GALNTL6: variants seen among roughly 807,000 people sequenced by gnomAD.
GALNTL6 encodes the protein polypeptide N-acetylgalactosaminyltransferase like 6, also known as polypeptide N-acetylgalactosaminyltransferase-like 6.
GALNTL6 carries 46 observed loss-of-function variants against 73.7 expected under a neutral mutation model. The observed-to-expected ratio is 0.62, with a 90% confidence interval of 0.49 to 0.80. The LOEUF is 0.80. GALNTL6 is among the 30% of genes least tolerant of loss of function. GALNTL6 has a pLI of 0.00. For missense variants in GALNTL6, 604 were observed against 755.0 expected (o/e 0.80, Z 2.34); for synonymous variants, 259 against 263.7 (o/e 0.98, Z 0.17).
chr4:172,002,386 T>C (rs2110761550), intron 2 of GALNTL6, among the ~76,000 whole-genome samples: 1 of 152,248 alleles, frequency 6.6e-6, no homozygotes, highest in Admixed American at 6.5e-5. Flanking sequence ...CAGCTGTCTA[T>C]ATGCCAGGAA....
intron 5 of GALNTL6, among the ~76,000 whole-genome samples, chr4:172,625,059 T>G (rs1168551409): frequency 1.3e-5 from 2 of 152,118 alleles, no homozygotes; most frequent in East Asian, 3.9e-4. Context: ...CTCTCAGTTC[T>G]TCTCTGTGAG....
chr4:172,177,828 C>CACACACATATATGTGTGTGTATATAT (rs1560955687), intron 2 of GALNTL6, among the ~76,000 whole-genome samples: 1 of 131,646 alleles, frequency 7.6e-6, no homozygotes, highest in Non-Finnish European at 1.6e-5. Context: ...TGTATATATA[C>CACACACATATATGTGTGTGTATATAT]ACACACATAT....
intron 5 of GALNTL6, among the ~76,000 whole-genome samples, chr4:172,392,306 TA>T (rs1743690892): frequency 3.9e-5 from 6 of 152,152 alleles, no homozygotes; most frequent in Non-Finnish European, 1.5e-5. Context: ...TTATTTTAAT[TA>T]AAAATTGTTC....
At chr4:172,836,709 G>C (rs914838701) in intron 7 of GALNTL6, among the ~76,000 whole-genome samples, 36 of 152,348 alleles carry the variant, frequency 2.4e-4, no homozygotes, top group African/African-American at 8.4e-4. Flanking sequence ...GTTGGCATTT[G>C]AAAACCTTCA....
At chr4:172,255,783 ATATTT>A (rs1379782059) in intron 3 of GALNTL6, among the ~76,000 whole-genome samples, 1 of 151,320 alleles carries the variant, frequency 6.6e-6, no homozygotes, top group Non-Finnish European at 1.5e-5. Flanking sequence ...TCTAATAACT[ATATTT>A]TATTTTCATA....
intron 8 of GALNTL6, among the ~76,000 whole-genome samples, chr4:172,884,381 A>T (rs1745610815): frequency 6.6e-6 from 1 of 152,162 alleles, no homozygotes; most frequent in South Asian, 2.1e-4. Context: ...AAGATGTTCA[A>T]CATTTTTCAT....
chr4:172,628,353 A>G (rs1739252015), intron 5 of GALNTL6, among the ~76,000 whole-genome samples: 1 of 152,194 alleles, frequency 6.6e-6, no homozygotes, highest in African/African-American at 2.4e-5. Flanking sequence ...ATGTAAATAA[A>G]TCAGTCACAA....
At chr4:172,607,995 C>CA (rs1560833201) in intron 5 of GALNTL6, among the ~76,000 whole-genome samples, 1 of 151,734 alleles carries the variant, frequency 6.6e-6, no homozygotes, top group Non-Finnish European at 1.5e-5. Context: ...TTAATTTTTT[C>CA]AAAAAATCAA....
chr4:172,319,328 T>G (rs1482222440), intron 4 of GALNTL6, among the ~76,000 whole-genome samples: 2 of 152,176 alleles, frequency 1.3e-5, no homozygotes. Context: ...ATTAAAAAAT[T>G]AAAGTAGATA....
intron 4 of GALNTL6, among the ~76,000 whole-genome samples, chr4:172,317,492 T>C (rs570795551): frequency 6.6e-6 from 1 of 152,358 alleles, no homozygotes; most frequent in South Asian, 2.1e-4. Context: ...ATTTTCCAGT[T>C]ATATCATGGA....
intron 3 of GALNTL6, among the ~76,000 whole-genome samples, chr4:172,261,822 A>AT (rs1353118083): frequency 6.6e-6 from 1 of 151,292 alleles, no homozygotes; most frequent in African/African-American, 2.4e-5. Context: ...AGTTCAAATA[A>AT]TTTTTAAATT....
intron 5 of GALNTL6, among the ~76,000 whole-genome samples, chr4:172,670,179 T>C (rs2111202197): frequency 6.6e-6 from 1 of 152,262 alleles, no homozygotes; most frequent in East Asian, 1.9e-4. Context: ...AGTAATGGGA[T>C]TGCTGGGTCA....
chr4:172,056,686 A>C (rs1367742987), intron 2 of GALNTL6, among the ~76,000 whole-genome samples: 1 of 151,936 alleles, frequency 6.6e-6, no homozygotes, highest in Non-Finnish European at 1.5e-5. Flanking sequence ...ATTTTTAATA[A>C]TATAGTTATT....
At chr4:172,945,250 G>A (rs529651790) in intron 9 of GALNTL6, among the ~76,000 whole-genome samples, 1 of 152,240 alleles carries the variant, frequency 6.6e-6, no homozygotes, top group East Asian at 1.9e-4. Flanking sequence ...TACATCAGTG[G>A]TTGTCTGGGG....
At chr4:172,264,251 T>C (rs1738357863) in intron 3 of GALNTL6, among the ~76,000 whole-genome samples, 1 of 151,310 alleles carries the variant, frequency 6.6e-6, no homozygotes, top group Admixed American at 6.6e-5. Flanking sequence ...GTTCACTCTA[T>C]ATGGGTCTTA....
At chr4:172,236,295 G>A (rs1158096785) in intron 3 of GALNTL6, among the ~76,000 whole-genome samples, 4 of 152,136 alleles carry the variant, frequency 2.6e-5, no homozygotes, top group South Asian at 2.1e-4. Context: ...GCTGCCAGGC[G>A]TGGTGGCTCA....
At chr4:172,705,813 G>A (rs910187097) in intron 5 of GALNTL6, among the ~76,000 whole-genome samples, 4 of 152,018 alleles carry the variant, frequency 2.6e-5, no homozygotes, top group African/African-American at 9.7e-5. Flanking sequence ...TTCCTGTCCT[G>A]TAGGGTTTCT....
At chr4:172,907,904 A>G (rs1746990531) in intron 8 of GALNTL6, among the ~76,000 whole-genome samples, 1 of 152,208 alleles carries the variant, frequency 6.6e-6, no homozygotes, top group Admixed American at 6.5e-5. Flanking sequence ...TTTCACTTAA[A>G]GGAAGCACTT....
intron 2 of GALNTL6, among the ~76,000 whole-genome samples, chr4:171,908,824 A>T (rs1737382493): frequency 6.6e-6 from 1 of 151,348 alleles, no homozygotes; most frequent in Admixed American, 6.6e-5. Context: ...ATAAAAAATG[A>T]TGAGTTCATG....
Sources: allele counts gnomAD v4.1 joint callset (sites outside exome capture counted in the v4.1 genomes callset), GRCh38; gene constraint gnomAD v4.1.1; transcripts MANE v1.5; gene names NCBI Gene and HGNC (gene_info 2026-07-23, HGNC 2026-07-21).